PRKCA: variants seen among roughly 807,000 people sequenced by gnomAD.
PRKCA encodes the protein protein kinase C alpha type.
Under a neutral mutation model 87.0 loss-of-function variants are expected in PRKCA, and 27 were observed. The observed-to-expected ratio is 0.31, with a 90% CI of 0.23 to 0.43. The LOEUF (loss-of-function observed/expected upper bound fraction) is 0.43. PRKCA is among the 20% of genes least tolerant of loss of function. The probability of loss-of-function intolerance (pLI) is 1.00; values close to 1 mark genes in which losing one functional copy is unlikely to be tolerated. For synonymous variants in PRKCA, 329 were observed against 311.1 expected (o/e 1.06, Z -0.61); for missense variants, 518 against 852.3 (o/e 0.61, Z 4.88).
At chr17:66,680,349 C>T (rs1435590019) in intron 5 of PRKCA, among the ~76,000 whole-genome samples, 1 of 152,098 alleles carries the variant, frequency 6.6e-6, no homozygotes, top group African/African-American at 2.4e-5. Context: ...TGGGAGGTGT[C>T]ACGGGGTCAG....
intron 14 of PRKCA, among the ~76,000 whole-genome samples, chr17:66,782,147 T>G (rs1975251641): frequency 6.6e-6 from 1 of 151,970 alleles, no homozygotes; most frequent in African/African-American, 2.4e-5. Context: ...CTCTTGACCT[T>G]GTGATCTGCC....
chr17:66,769,057 C>T (rs8072195), intron 13 of PRKCA, among the ~76,000 whole-genome samples: 13,940 of 152,164 alleles, frequency 0.092, 761 homozygotes, highest in African/African-American at 0.15. Context: ...TATAAATCAG[C>T]TCTTGATCTT....
intron 5 of PRKCA, among the ~76,000 whole-genome samples, chr17:66,647,313 G>A (rs1378785243): frequency 6.6e-6 from 1 of 152,202 alleles, no homozygotes; most frequent in Non-Finnish European, 1.5e-5. Context: ...ACATGTCCAT[G>A]CTTTTCTTAC....
chr17:66,374,828 A>G (rs1033642519), intron 2 of PRKCA, among the ~76,000 whole-genome samples: 7 of 151,052 alleles, frequency 4.6e-5, no homozygotes, highest in African/African-American at 1.5e-4. Context: ...CCTGGGTTCA[A>G]GCAGTTCTCA....
Position 66,669,628 on chromosome 17 carries a change from G to A in PRKCA, c.530-17483G>A, listed in dbSNP as rs184858272. Among the ~76,000 whole-genome samples, 11 of 152,224 alleles carry A rather than the reference G, an allele frequency of 7.2e-5. No individual in the cohort carries two copies. The East Asian group carries it at 1.2e-3, about 16-fold the overall frequency. On this transcript the variant is annotated intron_variant, in intron 5 of 16. Transcript: ENST00000413366. ...TTTAGAAGCATTCTGGGCTGGGTGC[G>A]GTGGCTCACACCTGTAATTGCAGCA...
At chr17:66,683,241 ATG>A (rs780273844) in intron 5 of PRKCA, among the ~76,000 whole-genome samples, 3 of 152,208 alleles carry the variant, frequency 2.0e-5, no homozygotes, top group Non-Finnish European at 4.4e-5. Context: ...TCCTATAGTG[ATG>A]TGTTTCCTTT....
intron 2 of PRKCA, among the ~76,000 whole-genome samples, chr17:66,334,852 C>G (rs1906560435): frequency 6.6e-6 from 1 of 152,164 alleles, no homozygotes. Context: ...AGAAGCAACC[C>G]TGTGTTTGTC....
intron 2 of PRKCA, among the ~76,000 whole-genome samples, chr17:66,480,884 C>A (rs1197364431): frequency 6.6e-6 from 1 of 152,034 alleles, no homozygotes; most frequent in East Asian, 1.9e-4. Flanking sequence ...CTGAAGGTAA[C>A]GTTTTCTTGG....
chr17:66,562,398 C>G (rs182528143), intron 3 of PRKCA, among the ~76,000 whole-genome samples: 3 of 151,796 alleles, frequency 2.0e-5, no homozygotes, highest in Admixed American at 1.3e-4. Context: ...CATTCTTGGT[C>G]AGACCTGTAG....
intron 3 of PRKCA, among the ~76,000 whole-genome samples, chr17:66,539,617 G>T (rs1467840589): frequency 6.6e-6 from 1 of 152,046 alleles, no homozygotes; most frequent in African/African-American, 2.4e-5. Context: ...TGTTAGCCAG[G>T]ATAGTCTCGA....
intron 2 of PRKCA, among the ~76,000 whole-genome samples, chr17:66,332,046 A>ATT (rs11390446): frequency 4.0e-4 from 59 of 149,100 alleles, no homozygotes; most frequent in African/African-American, 5.9e-4. Flanking sequence ...TAGCAAACCA[A>ATT]TTTTTTTTTT....
intron 10 of PRKCA, 98 bp downstream of exon 10, chr17:66,735,760 G>A (rs2144213646): frequency 1.4e-6 from 2 of 1,390,190 alleles, no homozygotes; most frequent in Non-Finnish European, 2.0e-6. Flanking sequence ...GGAGAAGGCT[G>A]GAGAAAGGTG....
chr17:66,509,134 A>T (rs765445621), intron 3 of PRKCA, among the ~76,000 whole-genome samples: 1 of 151,820 alleles, frequency 6.6e-6, no homozygotes, highest in Non-Finnish European at 1.5e-5. Context: ...GTGAAGGTTT[A>T]TGAATCAGGG....
intron 3 of PRKCA, among the ~76,000 whole-genome samples, chr17:66,503,662 T>C (rs1421681473): frequency 3.9e-5 from 6 of 152,188 alleles, no homozygotes; most frequent in Admixed American, 3.9e-4. Flanking sequence ...ATTGCTTTCT[T>C]TTCTTTACTA....
intron 13 of PRKCA, 146 bp downstream of exon 13, chr17:66,742,906 A>C: frequency 2.3e-6 from 2 of 870,506 alleles, no homozygotes; most frequent in Non-Finnish European, 3.4e-6. Context: ...AACAGACTAA[A>C]ATAGAGGAAA....
chr17:66,428,977 A>C (rs1447623347), intron 2 of PRKCA, among the ~76,000 whole-genome samples: 1 of 152,230 alleles, frequency 6.6e-6, no homozygotes, highest in East Asian at 1.9e-4. Flanking sequence ...TATTAGGTAA[A>C]GTTTGAGATA....
intron 2 of PRKCA, among the ~76,000 whole-genome samples, chr17:66,361,846 A>C (rs1908409617): frequency 6.6e-6 from 1 of 152,170 alleles, no homozygotes; most frequent in African/African-American, 2.4e-5. Flanking sequence ...TGCGTCAGGC[A>C]CCAATCTAAG....
At chr17:66,645,660 C>T (rs532132466) in intron 5 of PRKCA, 149 bp downstream of exon 5, 2 of 1,177,980 alleles carry the variant, frequency 1.7e-6, no homozygotes, top group East Asian at 2.4e-5. Flanking sequence ...TCTCAGAGCC[C>T]TCCAGCCCTC....
In PRKCA at chr17:66,808,930, T is replaced by G. The variant is rs765683814; in HGVS notation, c.*4893T>G. ...TTCACCATGTTGGCCAGGATGGTCT[T>G]GAACCCCTGACCTCATGATCTGCCT... On this transcript the variant is annotated 3_prime_UTR_variant, in exon 17 of 17. Transcript: ENST00000413366. 1 of 152,184 alleles carries G rather than the reference T, an allele frequency of 6.6e-6. No individual in the cohort carries two copies. Among genetic ancestry groups the G allele is most frequent in the Non-Finnish European group, 1.5e-5 (1 of 68,056 alleles). 9.4% of individuals were successfully genotyped at this position (152,184 alleles called of 1,614,324 possible). A position where few individuals can be genotyped will look rare whatever the true frequency, so the allele number is the denominator to read the frequency against.
Sources: allele counts gnomAD v4.1 joint callset (sites outside exome capture counted in the v4.1 genomes callset), GRCh38; gene constraint gnomAD v4.1.1; transcripts MANE v1.5; gene names NCBI Gene and HGNC (gene_info 2026-07-23, HGNC 2026-07-21).